PHF24: variants seen among roughly 807,000 people sequenced by gnomAD.
The protein encoded by PHF24 is Galpha inhibitory interacting protein.
In PHF24, 25 loss-of-function variants were observed where a neutral mutation model predicts 42.6. That is an observed-to-expected ratio of 0.59 (90% CI 0.43 to 0.82). The LOEUF (loss-of-function observed/expected upper bound fraction) is 0.82, where lower values mean the gene tolerates loss of function less well. Ranked by LOEUF, PHF24 falls within the 40% of genes least tolerant of loss-of-function variation. The pLI, the probability that PHF24 is intolerant of heterozygous loss-of-function variation, is 0.00. For missense variants in PHF24, 470 were observed against 538.1 expected, an observed-to-expected ratio of 0.87 and a Z score of 1.25; for synonymous variants, 185 against 204.8, an observed-to-expected ratio of 0.90 and a Z score of 0.83.
chr9:34,899,087 A>G, the PHF24 span, among the ~76,000 whole-genome samples: 1 of 152,162 alleles, frequency 6.6e-6, no homozygotes, highest in Non-Finnish European at 1.5e-5. Context: ...TGTCTTCCTG[A>G]ACAAGGGCTC....
At chr9:34,875,941 C>CTCTG in the PHF24 span, among the ~76,000 whole-genome samples, 18 of 94,704 alleles carry the variant, frequency 1.9e-4, no homozygotes, top group Non-Finnish European at 3.8e-4. Context: ...CACACACACA[C>CTCTG]ACACACACAC....
At chr9:34,932,258 A>AT in the PHF24 span, among the ~76,000 whole-genome samples, 55 of 152,330 alleles carry the variant, frequency 3.6e-4, no homozygotes, top group Non-Finnish European at 6.5e-4. Flanking sequence ...ATGTCAGGAA[A>AT]CTAAGCCCAT....
chr9:34,793,633 A>C, the PHF24 span, among the ~76,000 whole-genome samples: 1 of 152,250 alleles, frequency 6.6e-6, no homozygotes, highest in South Asian at 2.1e-4. Flanking sequence ...ACCAGCCTGC[A>C]GTCTAGAAGT....
chr9:34,889,216 G>A, the PHF24 span: 151 of 398,644 alleles, frequency 3.8e-4, no homozygotes, highest in African/African-American at 2.9e-3. Flanking sequence ...GCATAAAACA[G>A]TGCCTTCTGC....
rs970003630 is a variant in PHF24 at position 34,974,473 on chromosome 9, G to A, written c.565-1679G>A. ...GTCAATAAAATCCCACCTCAGTGGT[G>A]TAACCACCGTTAACATTACCTCCCA... On this transcript the variant is annotated intron_variant, in intron 3 of 7. Transcript: ENST00000242315. Among the ~76,000 whole-genome samples, 14 of 152,266 alleles carry A rather than the reference G, an allele frequency of 9.2e-5. 1 individual carries two copies. Among genetic ancestry groups the A allele is most frequent in the African/African-American group, 3.4e-4 (14 of 41,556 alleles).
At chr9:34,965,813 A>G (rs1469910180) in intron 1 of PHF24, among the ~76,000 whole-genome samples, 2 of 152,264 alleles carry the variant, frequency 1.3e-5, no homozygotes, top group Admixed American at 1.3e-4. Context: ...TTATTAAAGC[A>G]TCTGAAAAAG....
chr9:34,712,028 G>A, the PHF24 span, among the ~76,000 whole-genome samples: 2 of 151,530 alleles, frequency 1.3e-5, no homozygotes, highest in Non-Finnish European at 2.9e-5. Context: ...CCTAAGTTTT[G>A]TTTATCTGGA....
chr9:34,793,858 A>G, the PHF24 span, among the ~76,000 whole-genome samples: 2 of 151,516 alleles, frequency 1.3e-5, no homozygotes, highest in Non-Finnish European at 2.9e-5. Context: ...TACTATAATC[A>G]GAGGAGCTGA....
the PHF24 span, chr9:34,918,022 A>C: frequency 5.6e-6 from 7 of 1,253,696 alleles, no homozygotes; most frequent in Non-Finnish European, 8.2e-6. Context: ...CGACACCAGT[A>C]CCACATCTGT....
At chr9:34,945,548 A>G in the PHF24 span, among the ~76,000 whole-genome samples, 1 of 152,262 alleles carries the variant, frequency 6.6e-6, no homozygotes, top group East Asian at 1.9e-4. Flanking sequence ...TGCCATTGTG[A>G]CGGTATTAGG....
the PHF24 span, among the ~76,000 whole-genome samples, chr9:34,847,844 A>C: frequency 1.3e-5 from 2 of 152,220 alleles, no homozygotes. Context: ...CCTTTTCTGC[A>C]TCTATTGAGA....
chr9:34,728,058 G>T, the PHF24 span: 2 of 1,551,970 alleles, frequency 1.3e-6, no homozygotes, highest in Non-Finnish European at 1.7e-6. Context: ...TGGCTTCTCA[G>T]CTTCTTCCCG....
chr9:34,865,033 G>A, the PHF24 span, among the ~76,000 whole-genome samples: 1 of 151,432 alleles, frequency 6.6e-6, no homozygotes. Context: ...ATAAAAATTA[G>A]CTGGGTGAAG....
chr9:34,801,867 C>A, the PHF24 span, among the ~76,000 whole-genome samples: 1 of 133,036 alleles, frequency 7.5e-6, no homozygotes, highest in Non-Finnish European at 1.5e-5. Context: ...AATGAGAACA[C>A]GTGGACACAG....
chr9:34,805,924 A>G, the PHF24 span, among the ~76,000 whole-genome samples: 46 of 152,344 alleles, frequency 3.0e-4, no homozygotes, highest in African/African-American at 1.0e-3. Flanking sequence ...TGTGGATACA[A>G]AAGAAAACAG....
the PHF24 span, among the ~76,000 whole-genome samples, chr9:34,908,689 A>G: frequency 6.6e-6 from 1 of 152,154 alleles, no homozygotes; most frequent in Non-Finnish European, 1.5e-5. Flanking sequence ...CCCTCAAGCC[A>G]GTACACAAGG....
chr9:34,831,060 G>T, the PHF24 span, among the ~76,000 whole-genome samples: 1 of 152,210 alleles, frequency 6.6e-6, no homozygotes, highest in African/African-American at 2.4e-5. Flanking sequence ...TTGTAGATTT[G>T]TGGTCACTTT....
chr9:34,728,550 C>G, the PHF24 span: 6 of 1,510,642 alleles, frequency 4.0e-6, no homozygotes, highest in Non-Finnish European at 5.4e-6. Flanking sequence ...CACAGAGGGA[C>G]AGGATTCATG....
At chr9:34,844,264 G>A in the PHF24 span, among the ~76,000 whole-genome samples, 2 of 151,344 alleles carry the variant, frequency 1.3e-5, no homozygotes, top group Non-Finnish European at 3.0e-5. Flanking sequence ...CATATTTTTT[G>A]TTGTTTTTCT....
Sources: gnomAD v4.1 joint callset for allele counts (sites outside exome capture counted in the v4.1 genomes callset) on GRCh38, gnomAD v4.1.1 for gene constraint, MANE v1.5 for transcripts, NCBI Gene and HGNC (gene_info 2026-07-23, HGNC 2026-07-21) for gene names.